The following ABCA1 variants were observed in gnomAD, a reference collection of about 807,000 sequenced individuals.
ABCA1 encodes the protein ATP binding cassette subfamily A member 1.
ABCA1 carries 133 observed loss-of-function variants against 262.5 expected under a neutral mutation model. The ratio of observed to expected loss-of-function variants is 0.51; its 90% CI spans 0.44 to 0.59. The LOEUF is 0.59. Among genes scored for constraint, ABCA1 ranks in the 20% least tolerant of loss-of-function variants. The pLI, the probability that ABCA1 is intolerant of heterozygous loss-of-function variation, is 0.00. For synonymous variants in ABCA1, 1,022 were observed against 1,043.5 expected (o/e 0.98, Z 0.40); for missense variants, 2,452 against 2,777.5 (o/e 0.88, Z 2.63).
chr9:104,857,408 T>A (rs886995465), intron 7 of ABCA1, among the ~76,000 whole-genome samples: 3 of 152,140 alleles, frequency 2.0e-5, no homozygotes, highest in African/African-American at 7.2e-5. Context: ...ATTTTTTGTA[T>A]TTTTGTAGAG....
chr9:104,817,992 G>A lies in ABCA1; in HGVS notation c.3463-588C>T, dbSNP rs73663555. On this transcript the variant is annotated intron_variant, in intron 23 of 49. Coordinates refer to ENST00000374736, the MANE Select transcript of ABCA1 (RefSeq NM_005502.4). This position sits in a 1 kb window ranked among gnomAD's most constrained non-coding sequence, Gnocchi z 4.7. ...CAAATAAATCTCAGGCATGTACTGCGGTACAGAGGAAAACATACCTGGTAA... is the reference window on the plus strand; with the variant it reads ...CAAATAAATCTCAGGCATGTACTGCAGTACAGAGGAAAACATACCTGGTAA... Among the ~76,000 whole-genome samples the A allele has an allele frequency of 1.5e-3, 223 of 152,180 alleles. 1 individual carries two copies. Among genetic ancestry groups the A allele is most frequent in the African/African-American group, 4.6e-3 (189 of 41,528 alleles).
chr9:104,902,414 G>A (rs969976512), intron 2 of ABCA1, among the ~76,000 whole-genome samples: 40 of 152,154 alleles, frequency 2.6e-4, no homozygotes, highest in African/African-American at 9.7e-4. Context: ...TGATAATATA[G>A]ACTGGCCAAA....
chr9:104,809,594 GT>G, intron 29 of ABCA1, 30 bp from the exon 30 acceptor site: 1 of 1,573,096 alleles, frequency 6.4e-7, no homozygotes, highest in South Asian at 1.1e-5. Flanking sequence ...AGCCAGCTTA[GT>G]AATTCATTAA....
At chr9:104,793,631 T>C (rs1030108849) in intron 40 of ABCA1, among the ~76,000 whole-genome samples, 5 of 152,130 alleles carry the variant, frequency 3.3e-5, no homozygotes, top group Non-Finnish European at 7.4e-5. Flanking sequence ...ATTTTCACAG[T>C]CAGTATTTTT....
Position 104,840,268 on chromosome 9 carries a change from T to C in ABCA1, c.1054+11A>G, listed in dbSNP as rs2119034462. 2 of 1,614,178 alleles carry C rather than the reference T, an allele frequency of 1.2e-6. No homozygotes were observed. Among genetic ancestry groups the C allele is most frequent in the Non-Finnish European group, 1.7e-6 (2 of 1,180,036 alleles). ...GTTGGGGACAGGGCTGGGGTCTGCA[T>C]GGACACTCACTTGTAGAGTTGTCAT... On this transcript the variant is annotated intron_variant, in intron 9 of 49. Coordinates refer to ENST00000374736, the MANE Select transcript of ABCA1 (RefSeq NM_005502.4).
chr9:104,826,216 G>T lies in ABCA1; in HGVS notation c.2338-329C>A, dbSNP rs553332829. On this transcript the variant is annotated intron_variant, in intron 16 of 49. Coordinates refer to ENST00000374736, the MANE Select transcript of ABCA1 (RefSeq NM_005502.4). ...CCCCACACACATGCGCATACCCACA[G>T]TCTTCTGAGGCTCCCTGCTCAGCCA... 1.8e-4 allele frequency among the ~76,000 whole-genome samples: 28 copies of T among 152,316 alleles called. No individual in the cohort carries two copies. In the South Asian group the frequency reaches 3.9e-3, roughly 21 times the overall value.
At chr9:104,815,999 C>G (rs1831718201) in intron 25 of ABCA1, 144 bp downstream of exon 25, 1 of 915,818 alleles carries the variant, frequency 1.1e-6, no homozygotes, top group Non-Finnish European at 1.8e-6. Context: ...AAATGGCTCA[C>G]TGGGGCCAAC....
intron 25 of ABCA1, 66 bp from the exon 26 acceptor site, chr9:104,814,541 G>T: frequency 7.0e-7 from 1 of 1,426,910 alleles, no homozygotes; most frequent in South Asian, 1.1e-5. Context: ...CCACTGCCAC[G>T]ATTATTATAT....
chr9:104,896,664 C>A (rs902407490), intron 2 of ABCA1, among the ~76,000 whole-genome samples: 1 of 138,774 alleles, frequency 7.2e-6, no homozygotes, highest in South Asian at 2.4e-4. Context: ...ACTAAAACTA[C>A]ATATCAAATG....
At chr9:104,844,027 GA>G (rs58449867) in intron 8 of ABCA1, among the ~76,000 whole-genome samples, 22,706 of 125,144 alleles carry the variant, frequency 0.18, 2,007 homozygotes, top group African/African-American at 0.26. Context: ...TTTAATGCCA[GA>G]AAAAAAAAAA....
chr9:104,908,605 G>A (rs910221864), intron 1 of ABCA1, among the ~76,000 whole-genome samples: 2 of 152,186 alleles, frequency 1.3e-5, no homozygotes, highest in Non-Finnish European at 2.9e-5. Flanking sequence ...AGGTTGCAGT[G>A]AGCTGAGATC....
At chr9:104,811,574 C>T (rs976108708) in intron 28 of ABCA1, among the ~76,000 whole-genome samples, 13 of 152,172 alleles carry the variant, frequency 8.5e-5, no homozygotes, top group Non-Finnish European at 1.8e-4. Context: ...AAAAAAATGA[C>T]TTGGGTATAC....
intron 7 of ABCA1, chr9:104,855,087 G>A: frequency 1.1e-6 from 1 of 894,030 alleles, no homozygotes; most frequent in Non-Finnish European, 1.3e-6. Flanking sequence ...ATCTTTGGGT[G>A]AAAAGTCTTG....
At chr9:104,830,175 G>C (rs1833156791) in intron 14 of ABCA1, among the ~76,000 whole-genome samples, 1 of 152,220 alleles carries the variant, frequency 6.6e-6, no homozygotes, top group Non-Finnish European at 1.5e-5. Context: ...TTTCTAAAAA[G>C]TCTAAGAGGA....
intron 2 of ABCA1, among the ~76,000 whole-genome samples, chr9:104,900,926 T>G (rs1395706924): frequency 1.3e-5 from 2 of 152,258 alleles, no homozygotes; most frequent in African/African-American, 4.8e-5. Flanking sequence ...TAAGCCCCTT[T>G]GTGTCAGGGT....
chr9:104,890,039 C>T (rs1343961755), intron 2 of ABCA1, among the ~76,000 whole-genome samples: 2 of 152,320 alleles, frequency 1.3e-5, no homozygotes, highest in Non-Finnish European at 2.9e-5. Flanking sequence ...AGATGGAAAT[C>T]ACTAGACACA....
At chr9:104,870,632 T>C (rs1263650902) in intron 5 of ABCA1, among the ~76,000 whole-genome samples, 1 of 151,862 alleles carries the variant, frequency 6.6e-6, no homozygotes, top group Non-Finnish European at 1.5e-5. Context: ...CCCTCACCAA[T>C]AGCATTAGGG....
At chr9:104,882,260 G>T (rs1341983462) in intron 5 of ABCA1, among the ~76,000 whole-genome samples, 1 of 152,088 alleles carries the variant, frequency 6.6e-6, no homozygotes. Context: ...ACATTGTTTA[G>T]AACCACCGGC....
Position 104,795,985 on chromosome 9 carries a change from A to G in ABCA1, c.5382+68T>C, listed in dbSNP as rs954518734. The stretch of plus-strand genomic sequence containing the variant: ...CACTGACAAGTGGAATAAGATCACA[A>G]TTAAACACTGTCCTCTGGCTCCCAG... On this transcript the variant is annotated intron_variant, in intron 39 of 49. Transcript: ENST00000374736. The G allele has an allele frequency of 3.1e-6, 5 of 1,605,598 alleles. No homozygotes were observed. In the South Asian group the frequency reaches 3.3e-5, roughly 11 times the overall value.
Sources: gnomAD v4.1 joint callset for allele counts (sites outside exome capture counted in the v4.1 genomes callset) on GRCh38, gnomAD v4.1.1 for gene constraint, Gnocchi (gnomAD v3.1) non-coding constraint, MANE v1.5 for transcripts, NCBI Gene and HGNC (gene_info 2026-07-23, HGNC 2026-07-21) for gene names.